Variants in NPM1 observed in about 807,000 individuals in gnomAD.
NPM1 encodes nucleophosmin 1.
In NPM1, 1 loss-of-function variant was observed where a neutral mutation model predicts 44.1. That is an observed-to-expected ratio of 0.02 (90% CI 0.01 to 0.11). NPM1 has a LOEUF of 0.11. Ranked by LOEUF, NPM1 falls within the 10% of genes least tolerant of loss-of-function variation. The probability of loss-of-function intolerance (pLI) is 1.00; values close to 1 mark genes in which losing one functional copy is unlikely to be tolerated. For missense variants in NPM1, 197 were observed against 347.8 expected (o/e 0.57, Z 3.45); for synonymous variants, 126 against 111.8 (o/e 1.13, Z -0.80).
chr5:171,392,562 A>C, intron 4 of NPM1, 148 bp from the exon 5 acceptor site: 1 of 545,612 alleles, frequency 1.8e-6, no homozygotes, highest in Non-Finnish European at 3.1e-6. Context: ...TACTTTTGTT[A>C]AAAAGTTCCT....
chr5:171,387,754 G>A (rs980114715), upstream of NPM1: 4 of 625,186 alleles, frequency 6.4e-6, no homozygotes, highest in African/African-American at 3.7e-5. Flanking sequence ...ACGGTACGGG[G>A]GTGGGAGGGC....
rs956523635 is a variant in NPM1, at chr5:171,405,765, C to T, written c.771+362C>T. 49 of 109,548 alleles carry T rather than the reference C, an allele frequency of 4.5e-4. 1 individual carries two copies. Among genetic ancestry groups the T allele is most frequent in the Non-Finnish European group, 9.2e-4 (46 of 49,738 alleles). 6.8% of individuals were successfully genotyped at this position (109,548 alleles called of 1,614,324 possible). On this transcript the variant is annotated intron_variant, in intron 9 of 10. Transcript: ENST00000296930. Reference sequence around the variant, plus strand: ...GGCGTATGAGACTTCATTAAAATTACAAACAGCTGGAAAAGTAGATGCTGG... The same window carrying T: ...GGCGTATGAGACTTCATTAAAATTATAAACAGCTGGAAAAGTAGATGCTGG...
intron 10 of NPM1, among the ~76,000 whole-genome samples, chr5:171,408,334 T>C (rs1056613578): frequency 6.6e-6 from 1 of 152,202 alleles, no homozygotes; most frequent in Non-Finnish European, 1.5e-5. Context: ...TTATTTTTGC[T>C]CTTATTTACA....
chr5:171,407,801 T>A, intron 10 of NPM1, 27 bp downstream of exon 10: 1 of 1,421,494 alleles, frequency 7.0e-7, no homozygotes, highest in Non-Finnish European at 9.9e-7. Context: ...GGGACATGAT[T>A]AAATCCAAGT....
intron 4 of NPM1, among the ~76,000 whole-genome samples, 166 bp downstream of exon 4, chr5:171,391,965 A>G (rs3830034): frequency 0.4 from 58,857 of 147,726 alleles, 11,754 homozygotes; most frequent in East Asian, 0.55. Flanking sequence ...GGCGGGGGGG[A>G]GAGGAAATCT....
chr5:171,398,663 CAG>C (rs1418245458), intron 6 of NPM1, among the ~76,000 whole-genome samples: 1 of 152,036 alleles, frequency 6.6e-6, no homozygotes, highest in East Asian at 1.9e-4. Context: ...CCCAGCTACT[CAG>C]GAGGCTGAGG....
intron 10 of NPM1, among the ~76,000 whole-genome samples, chr5:171,408,735 T>C (rs1407841053): frequency 6.6e-6 from 1 of 152,206 alleles, no homozygotes; most frequent in Non-Finnish European, 1.5e-5. Context: ...CATTGATTAA[T>C]CATAAATTAT....
chr5:171,396,401 A>C (rs1770888752), intron 6 of NPM1, among the ~76,000 whole-genome samples: 1 of 152,224 alleles, frequency 6.6e-6, no homozygotes, highest in Non-Finnish European at 1.5e-5. Context: ...AGCACAGGGG[A>C]GGCACCTGCA....
chr5:171,404,236 CCCCCCCCCA>C lies in NPM1; in HGVS notation c.670-1063_670-1055del, dbSNP rs1771436751. On this transcript the variant is annotated intron_variant, in intron 8 of 10. Transcript: ENST00000296930. ...GGCGGCTGGCCGGGCGGGGGGTTGA[CCCCCCCCCA>C]CCTCCCTCCCGGACGGGGTGGCTGC... Among the ~76,000 whole-genome samples the C allele has an allele frequency of 2.0e-5, 2 of 99,428 alleles. 1 individual carries two copies. Among genetic ancestry groups the C allele is most frequent in the Non-Finnish European group, 4.1e-5 (2 of 48,224 alleles). The allele number at this position is 99,428 out of a possible 152,430, so 65.2% of individuals were successfully genotyped here.
chr5:171,394,763 A>G (rs1202756991), intron 6 of NPM1, among the ~76,000 whole-genome samples: 1 of 152,218 alleles, frequency 6.6e-6, no homozygotes, highest in East Asian at 1.9e-4. Context: ...TTTATAAAAT[A>G]AGTGTTTAAT....
intron 6 of NPM1, among the ~76,000 whole-genome samples, chr5:171,399,754 A>G (rs551156943): frequency 4.3e-4 from 65 of 152,258 alleles, no homozygotes; most frequent in Non-Finnish European, 8.2e-4. Context: ...AAATATACAT[A>G]CATTATACAG....
At chr5:171,390,968 C>T (rs1300671604) in intron 2 of NPM1, 7 of 167,396 alleles carry the variant, frequency 4.2e-5, no homozygotes, top group South Asian at 1.8e-4. Flanking sequence ...ATGATCTGCC[C>T]GCCTCAGCCT....
chr5:171,399,625 G>A (rs1213760274), intron 6 of NPM1, among the ~76,000 whole-genome samples: 1 of 152,022 alleles, frequency 6.6e-6, no homozygotes, highest in Non-Finnish European at 1.5e-5. Flanking sequence ...CTGTATATTC[G>A]GGGAGTGTTT....
At chr5:171,407,019 C>G (rs1225610380) in intron 9 of NPM1, 1 of 152,880 alleles carries the variant, frequency 6.5e-6, no homozygotes, top group Non-Finnish European at 1.5e-5. Context: ...GTTACAAAGT[C>G]ACAGGTCTTG....
chr5:171,401,166 C>T (rs62383969), intron 8 of NPM1, among the ~76,000 whole-genome samples: 61,202 of 151,500 alleles, frequency 0.4, 12,379 homozygotes, highest in East Asian at 0.55. Flanking sequence ...GAGACTAGCC[C>T]GGCCAACATC....
At position 171,387,939 on chromosome 5, in the gene NPM1, C is replaced by T. The variant is rs1490093965; in HGVS notation, c.-10C>T. 6.2e-7 allele frequency: 1 copy of T among 1,611,452 alleles called. No homozygotes were observed. Among genetic ancestry groups the T allele is most frequent in the African/African-American group, 1.3e-5 (1 of 74,978 alleles). On this transcript the variant is annotated 5_prime_UTR_variant, in exon 1 of 11. Coordinates refer to ENST00000296930, the MANE Select transcript of NPM1 (RefSeq NM_002520.7). ...GCCTTCTCTCCTACCTAAGTGCGTGCCGCCACCCGATGGAAGATTCGATGG... is the reference window on the plus strand; with the variant it reads ...GCCTTCTCTCCTACCTAAGTGCGTGTCGCCACCCGATGGAAGATTCGATGG...
At chr5:171,401,087 T>C (rs1202959530) in intron 8 of NPM1, among the ~76,000 whole-genome samples, 162 bp downstream of exon 8, 1 of 152,006 alleles carries the variant, frequency 6.6e-6, no homozygotes, top group Non-Finnish European at 1.5e-5. Flanking sequence ...GCTCAGTGGC[T>C]CACTCCTGTA....
At chr5:171,406,523 T>A (rs1771578500) in intron 9 of NPM1, 1 of 1,550,780 alleles carries the variant, frequency 6.4e-7, no homozygotes, top group African/African-American at 1.4e-5. Context: ...TCTATTTTAA[T>A]CTCAATCCCC....
At chr5:171,393,219 G>A (rs1770683975) in intron 6 of NPM1, among the ~76,000 whole-genome samples, 1 of 152,196 alleles carries the variant, frequency 6.6e-6, no homozygotes, top group African/African-American at 2.4e-5. Context: ...CAGAAGGGTA[G>A]ACTATAGTGT....
Sources: allele counts gnomAD v4.1 joint callset (sites outside exome capture counted in the v4.1 genomes callset), GRCh38; gene constraint gnomAD v4.1.1; transcripts MANE v1.5; gene names NCBI Gene and HGNC (gene_info 2026-07-23, HGNC 2026-07-21).